Variants in RDH10 observed in about 807,000 individuals in gnomAD.
RDH10 encodes the protein retinol dehydrogenase 10.
Under a neutral mutation model 30.2 loss-of-function variants are expected in RDH10, and 12 were observed. The observed-to-expected ratio is 0.40, with a 90% CI of 0.25 to 0.64. RDH10 has a LOEUF of 0.64. Ranked by LOEUF, RDH10 falls within the 30% of genes least tolerant of loss-of-function variation. The pLI, the probability that RDH10 is intolerant of heterozygous loss-of-function variation, is 0.43. For synonymous variants in RDH10, 189 were observed against 172.2 expected (o/e 1.10, Z -0.76); for missense variants, 268 against 445.2 (o/e 0.60, Z 3.58).
intron 2 of RDH10, among the ~76,000 whole-genome samples, chr8:73,307,722 C>T (rs1814487605): frequency 2.0e-5 from 3 of 152,210 alleles, no homozygotes; most frequent in Admixed American, 1.3e-4. Flanking sequence ...CTGTGGGCTA[C>T]AAGTTCAAAG....
intron 2 of RDH10, 67 bp from the exon 3 acceptor site, chr8:73,319,029 T>A: frequency 2.0e-6 from 2 of 1,023,104 alleles, no homozygotes; most frequent in Non-Finnish European, 3.0e-6. Flanking sequence ...TGTTTTGTGA[T>A]CCTGGACTGG....
At chr8:73,314,171 T>C (rs1251904873) in intron 2 of RDH10, among the ~76,000 whole-genome samples, 1 of 152,234 alleles carries the variant, frequency 6.6e-6, no homozygotes, top group Non-Finnish European at 1.5e-5. Context: ...TGCTACAATA[T>C]TTGTGCACAT....
chr8:73,317,282 T>G (rs1814687489), intron 2 of RDH10, among the ~76,000 whole-genome samples: 1 of 152,124 alleles, frequency 6.6e-6, no homozygotes, highest in South Asian at 2.1e-4. Flanking sequence ...CAGTAAAGAA[T>G]TATTAGGGGG....
intron 2 of RDH10, among the ~76,000 whole-genome samples, chr8:73,302,443 T>C (rs1389670780): frequency 6.6e-6 from 1 of 152,190 alleles, no homozygotes; most frequent in East Asian, 1.9e-4. Context: ...CCCAACACTT[T>C]GGGAGGCCGA....
chr8:73,314,160 A>G (rs1814621895), intron 2 of RDH10, among the ~76,000 whole-genome samples: 2 of 152,116 alleles, frequency 1.3e-5, no homozygotes, highest in South Asian at 4.2e-4. Context: ...TATCTCATAC[A>G]TGCTACAATA....
intron 2 of RDH10, among the ~76,000 whole-genome samples, chr8:73,315,906 A>G (rs1427889374): frequency 1.3e-5 from 2 of 152,252 alleles, no homozygotes; most frequent in African/African-American, 2.4e-5. Context: ...AAAACTTAAA[A>G]ATGATCTCTG....
intron 2 of RDH10, among the ~76,000 whole-genome samples, chr8:73,309,996 T>C (rs1814534883): frequency 3.9e-5 from 6 of 152,162 alleles, no homozygotes; most frequent in Admixed American, 3.9e-4. Context: ...CAGCTACAAA[T>C]GGGAACCACC....
chr8:73,322,853 C>G, intron 5 of RDH10, 43 bp downstream of exon 5: 10 of 1,613,964 alleles, frequency 6.2e-6, no homozygotes, highest in Non-Finnish European at 8.5e-6. Flanking sequence ...CTCTCCATGC[C>G]TGCCCGATGT....
At chr8:73,322,333 G>C (rs745465609) in intron 4 of RDH10, 7 of 280,574 alleles carry the variant, frequency 2.5e-5, no homozygotes, top group Non-Finnish European at 4.8e-5. Flanking sequence ...CATCTTGCTT[G>C]AGATTAGTGT....
intron 2 of RDH10, among the ~76,000 whole-genome samples, chr8:73,307,597 G>C (rs1397969372): frequency 6.6e-6 from 1 of 152,162 alleles, no homozygotes; most frequent in Non-Finnish European, 1.5e-5. Flanking sequence ...TATGGATGAG[G>C]AAACAAACCC....
chr8:73,306,521 A>G (rs1276386356), intron 2 of RDH10, among the ~76,000 whole-genome samples: 1 of 152,244 alleles, frequency 6.6e-6, no homozygotes, highest in African/African-American at 2.4e-5. Context: ...TCTTCATAAA[A>G]CTTTCAACAC....
rs1399039554 is a variant in RDH10, at chr8:73,321,055, A to G, written c.748A>G (p.Met250Val). ...TTGCCCTTATCTTGTAGACACTGGC[A>G]TGTTCAGAGGCTGCCGAATCAGGTC... The part of the protein sequence containing the change: ...LVCPYLVDTG[M>V]FRGCRIRKEI... Residue 250 changes from methionine to valine, a missense_variant, in exon 4 of 6, where the codon ATG becomes GTG. Met to Val is a conservative substitution (Grantham distance 21). Transcript: ENST00000240285. 1.9e-6 allele frequency: 3 copies of G among 1,613,924 alleles called. No individual in the cohort carries two copies. Among genetic ancestry groups the G allele is most frequent in the Non-Finnish European group, 2.5e-6 (3 of 1,179,906 alleles).
At chr8:73,314,409 A>G (rs927728463) in intron 2 of RDH10, among the ~76,000 whole-genome samples, 2 of 152,238 alleles carry the variant, frequency 1.3e-5, no homozygotes, top group Admixed American at 6.5e-5. Flanking sequence ...ATGTTGATCA[A>G]AGTTTATTTA....
At chr8:73,297,671 T>C in intron 2 of RDH10, 1 of 397,872 alleles carries the variant, frequency 2.5e-6, no homozygotes, top group Admixed American at 3.9e-5. Flanking sequence ...CATTTTGAAC[T>C]AGTTTGAAAG....
chr8:73,313,689 ACCCC>A, intron 2 of RDH10, among the ~76,000 whole-genome samples: 1 of 152,182 alleles, frequency 6.6e-6, no homozygotes, highest in East Asian at 1.9e-4. Context: ...TGACTTTGAG[ACCCC>A]CTAGATCAAG....
In RDH10 at chr8:73,295,254, C is replaced by G; in HGVS notation, c.-36C>G. The G allele has an allele frequency of 6.6e-7, 1 of 1,517,338 alleles. No homozygotes were observed. Among genetic ancestry groups the G allele is most frequent in the South Asian group, 1.2e-5 (1 of 80,826 alleles). 94.0% of individuals were successfully genotyped at this position (1,517,338 alleles called of 1,614,324 possible). A position where few individuals can be genotyped will look rare whatever the true frequency, so the allele number is the denominator to read the frequency against. ...GCCGGGCTCGGGGTGGGCGCGGACG[C>G]AGGCACTGGGCTCGTGCGGGGCCCC... On this transcript the variant is annotated 5_prime_UTR_variant, in exon 1 of 6. Coordinates refer to ENST00000240285, the MANE Select transcript of RDH10 (RefSeq NM_172037.5).
chr8:73,295,693 C>T, intron 1 of RDH10, 115 bp downstream of exon 1: 3 of 1,104,842 alleles, frequency 2.7e-6, no homozygotes, highest in South Asian at 1.7e-5. Flanking sequence ...AGGAAAGGAA[C>T]ACCCCACCGG....
At chr8:73,303,612 A>G (rs924672189) in intron 2 of RDH10, among the ~76,000 whole-genome samples, 1 of 152,218 alleles carries the variant, frequency 6.6e-6, no homozygotes, top group South Asian at 2.1e-4. Context: ...AGTACTTTCA[A>G]TGTCTTAAAC....
In RDH10 at chr8:73,308,933, G is replaced by A. The variant is rs111527720; in HGVS notation, c.526-10163G>A. On this transcript the variant is annotated intron_variant, in intron 2 of 5. Transcript: ENST00000240285. ...CCTTCTTCTCGGCTTGTAGTCCCGAGCAGCCACAGCAGCACCACCTAACTA... is the reference window on the plus strand; with the variant it reads ...CCTTCTTCTCGGCTTGTAGTCCCGAACAGCCACAGCAGCACCACCTAACTA... Among the ~76,000 whole-genome samples the A allele has an allele frequency of 1.5e-3, 222 of 152,236 alleles. 1 individual carries two copies. Among genetic ancestry groups the A allele is most frequent in the Middle Eastern group, 6.8e-3 (2 of 294 alleles).
Sources: allele counts gnomAD v4.1 joint callset (sites outside exome capture counted in the v4.1 genomes callset), GRCh38; gene constraint gnomAD v4.1.1; transcripts MANE v1.5; gene names NCBI Gene and HGNC (gene_info 2026-07-23, HGNC 2026-07-21).